The following MAP4K5 variants were observed in gnomAD, a reference collection of about 807,000 sequenced individuals.
The protein encoded by MAP4K5 is mitogen-activated protein kinase kinase kinase kinase 5.
In MAP4K5, 82 loss-of-function variants were observed where a neutral mutation model predicts 135.6. The observed-to-expected ratio is 0.60, with a 90% CI of 0.51 to 0.73. The LOEUF (loss-of-function observed/expected upper bound fraction) is 0.73. MAP4K5 is among the 30% of genes least tolerant of loss of function. MAP4K5 has a pLI of 0.00. For synonymous variants in MAP4K5, 347 were observed against 335.0 expected (o/e 1.04, Z -0.39); for missense variants, 907 against 1,010.9 (o/e 0.90, Z 1.39).
At chr14:50,560,142 C>T (rs1327210444) in intron 1 of MAP4K5, 1 of 1,167,522 alleles carries the variant, frequency 8.6e-7, no homozygotes, top group Non-Finnish European at 1.3e-6. Context: ...CAGCAACATC[C>T]TCAGAGTCTG....
chr14:50,497,683 C>A (rs1409132046), intron 3 of MAP4K5, among the ~76,000 whole-genome samples: 1 of 152,074 alleles, frequency 6.6e-6, no homozygotes, highest in Non-Finnish European at 1.5e-5. Context: ...TAAAGTATTC[C>A]CTGCAAGTCC....
intron 13 of MAP4K5, among the ~76,000 whole-genome samples, chr14:50,460,675 T>G (rs746874085): frequency 2.8e-4 from 43 of 152,346 alleles, no homozygotes; most frequent in Middle Eastern, 3.4e-3. Flanking sequence ...CAACTAAATA[T>G]TCACTGGGTA....
In MAP4K5 at chr14:50,456,535, C is replaced by A; in HGVS notation, c.996G>T (p.Arg332=). The A allele has an allele frequency of 6.3e-7, 1 of 1,577,382 alleles. No individual in the cohort carries two copies. The highest frequency in any genetic ancestry group is 1.2e-5 in the South Asian group (1 of 86,046). Residue 332 remains arginine (R), a synonymous_variant, in exon 14 of 33, where the codon CGG becomes CGT. Transcript: ENST00000682126. ...RSTNRNARAE[R]TASEINFDKL... ...ACATACAATTTATTTCTGAAGCTGT[C>A]CGTTCAGCTCTGGCATTCCTGTTTG...
At chr14:50,463,576 T>G (rs1415977143) in intron 12 of MAP4K5, among the ~76,000 whole-genome samples, 1 of 152,082 alleles carries the variant, frequency 6.6e-6, no homozygotes, top group Non-Finnish European at 1.5e-5. Context: ...ATATTTACTA[T>G]GTGACCCGCC....
chr14:50,549,998 C>T (rs2038681658), intron 1 of MAP4K5, among the ~76,000 whole-genome samples: 1 of 152,198 alleles, frequency 6.6e-6, no homozygotes, highest in African/African-American at 2.4e-5. Flanking sequence ...CTCCTAAGAA[C>T]ACCAGTGGAT....
At chr14:50,503,981 A>T (rs1028315888) in intron 3 of MAP4K5, among the ~76,000 whole-genome samples, 17 of 152,008 alleles carry the variant, frequency 1.1e-4, no homozygotes, top group Non-Finnish European at 2.4e-4. Context: ...GTATTATTAT[A>T]ACAATTTCTA....
chr14:50,524,758 C>T (rs920805918), intron 2 of MAP4K5, among the ~76,000 whole-genome samples: 5 of 152,048 alleles, frequency 3.3e-5, no homozygotes, highest in Non-Finnish European at 4.4e-5. Context: ...AGTATGGATA[C>T]GGTATTGGGA....
chr14:50,519,156 T>C (rs1187762789), intron 2 of MAP4K5, among the ~76,000 whole-genome samples: 1 of 151,422 alleles, frequency 6.6e-6, no homozygotes, highest in African/African-American at 2.4e-5. Context: ...AATATGTATA[T>C]TTACTGACAA....
intron 1 of MAP4K5, chr14:50,560,634 T>TGGGAG: frequency 2.6e-6 from 1 of 380,420 alleles, no homozygotes; most frequent in South Asian, 2.5e-5. Flanking sequence ...AGCGATCGGT[T>TGGGAG]GGGAGGAAGG....
intron 5 of MAP4K5, among the ~76,000 whole-genome samples, chr14:50,483,697 C>T (rs1261433857): frequency 1.0e-5 from 1 of 95,312 alleles, no homozygotes; most frequent in African/African-American, 4.0e-5. Flanking sequence ...ATTAATGTTT[C>T]AAAGCTATTC....
In MAP4K5 at chr14:50,532,108, A is replaced by C; in HGVS notation, c.-59T>G. The C allele has an allele frequency of 9.3e-7, 1 of 1,073,138 alleles. No homozygotes were observed. Among genetic ancestry groups the C allele is most frequent in the Non-Finnish European group, 1.4e-6 (1 of 732,806 alleles). The allele number at this position is 1,073,138 out of a possible 1,614,324, so 66.5% of individuals were successfully genotyped here. On this transcript the variant is annotated 5_prime_UTR_variant, in exon 2 of 33. Coordinates refer to ENST00000682126, the MANE Select transcript of MAP4K5 (RefSeq NM_006575.6). ...CCGCGGCTCCCGGATTCCCGCTAAC[A>C]AGCACGAACGGCGCCGCTTCCCAAC...
chr14:50,558,036 T>A (rs183592582), intron 1 of MAP4K5, among the ~76,000 whole-genome samples: 8 of 152,318 alleles, frequency 5.3e-5, no homozygotes, highest in Admixed American at 2.0e-4. Context: ...ACAATTTTTT[T>A]AAAAGCTTCC....
intron 2 of MAP4K5, among the ~76,000 whole-genome samples, chr14:50,507,783 T>G (rs2140031637): frequency 6.6e-6 from 1 of 152,300 alleles, no homozygotes; most frequent in Admixed American, 6.5e-5. Context: ...TGGTCAGTTT[T>G]GGAATAAGTG....
At position 50,529,328 on chromosome 14, in the gene MAP4K5, A is replaced by C. The variant is rs1182444174; in HGVS notation, c.108+2614T>G. ...CTTCAGCCCGGGAGGTTGAGGCTTC[A>C]ATGAACCAAGATCACACCACTGCCC... On this transcript the variant is annotated intron_variant, in intron 2 of 32. Coordinates refer to ENST00000682126, the MANE Select transcript of MAP4K5 (RefSeq NM_006575.6). Among the ~76,000 whole-genome samples the C allele has an allele frequency of 2.6e-5, 4 of 152,134 alleles. No homozygotes were observed. In the East Asian group the frequency reaches 7.7e-4, roughly 29 times the overall value.
chr14:50,423,458 G>A (rs959165114), intron 31 of MAP4K5, among the ~76,000 whole-genome samples: 4 of 151,602 alleles, frequency 2.6e-5, no homozygotes, highest in African/African-American at 9.7e-5. Context: ...ACTCCAAGAG[G>A]TTAAATAAGT....
At chr14:50,458,359 T>G (rs982395084) in intron 13 of MAP4K5, among the ~76,000 whole-genome samples, 1 of 152,130 alleles carries the variant, frequency 6.6e-6, no homozygotes, top group Admixed American at 6.6e-5. Flanking sequence ...GTTCAAGCAA[T>G]GCCCCCCACC....
chr14:50,466,992 T>A (rs1595474273), intron 10 of MAP4K5, among the ~76,000 whole-genome samples: 1 of 152,310 alleles, frequency 6.6e-6, no homozygotes, highest in Middle Eastern at 3.4e-3. Context: ...AGAGATGACA[T>A]GTTACTCTAA....
intron 23 of MAP4K5, chr14:50,438,353 T>C: frequency 4.8e-6 from 1 of 206,436 alleles, no homozygotes; most frequent in South Asian, 7.8e-5. Context: ...TACATGTGAT[T>C]ATTTTAATAC....
intron 1 of MAP4K5, among the ~76,000 whole-genome samples, chr14:50,552,450 T>C (rs1040584905): frequency 3.9e-5 from 6 of 152,150 alleles, no homozygotes. Flanking sequence ...CCAAAAGCAA[T>C]ATACAGATGC....
Sources: gnomAD v4.1 joint callset for allele counts (sites outside exome capture counted in the v4.1 genomes callset) on GRCh38, gnomAD v4.1.1 for gene constraint, MANE v1.5 for transcripts, NCBI Gene and HGNC (gene_info 2026-07-23, HGNC 2026-07-21) for gene names.